Variants in EPHA6 observed in about 807,000 individuals in gnomAD.
The protein encoded by EPHA6 is EPH receptor A6.
In EPHA6, 50 loss-of-function variants were observed where a neutral mutation model predicts 112.0. The observed-to-expected ratio is 0.45, with a 90% CI of 0.36 to 0.56. EPHA6 has a LOEUF of 0.56. Ranked by LOEUF, EPHA6 falls within the 20% of genes least tolerant of loss-of-function variation. The pLI is 0.00. For synonymous variants in EPHA6, 529 were observed against 490.7 expected (o/e 1.08, Z -1.03); for missense variants, 1,280 against 1,417.4 (o/e 0.90, Z 1.56).
At chr3:97,049,952 C>G (rs955912249) in intron 3 of EPHA6, among the ~76,000 whole-genome samples, 6 of 152,152 alleles carry the variant, frequency 3.9e-5, no homozygotes, top group Non-Finnish European at 7.4e-5. Flanking sequence ...CAGAGAGAAA[C>G]ATCCAAACTA....
chr3:96,859,067 T>C lies in EPHA6; in HGVS notation c.386-7758T>C, dbSNP rs56701419. Among the ~76,000 whole-genome samples, 512 of 152,226 alleles carry C rather than the reference T, an allele frequency of 3.4e-3. 4 individuals carry two copies. Among genetic ancestry groups the C allele is most frequent in the African/African-American group, 0.012 (486 of 41,552 alleles). On this transcript the variant is annotated intron_variant, in intron 1 of 17. Coordinates refer to ENST00000389672, the MANE Select transcript of EPHA6 (RefSeq NM_001080448.3). Reference sequence around the variant, plus strand: ...CTATACTGCTTTTCCAATAGTTGGTTAAGAATGTTCTTTTCTAAGACATAC... The same window carrying C: ...CTATACTGCTTTTCCAATAGTTGGTCAAGAATGTTCTTTTCTAAGACATAC...
chr3:96,909,897 T>A (rs2039129793), intron 2 of EPHA6, among the ~76,000 whole-genome samples: 1 of 152,000 alleles, frequency 6.6e-6, no homozygotes, highest in Non-Finnish European at 1.5e-5. Context: ...TCTGAGCATA[T>A]ATTTCTTCAA....
At chr3:97,711,825 A>G (rs2033982690) in intron 14 of EPHA6, among the ~76,000 whole-genome samples, 1 of 152,180 alleles carries the variant, frequency 6.6e-6, no homozygotes, top group African/African-American at 2.4e-5. Flanking sequence ...TTTACCAGCT[A>G]TCTGGTCATC....
chr3:97,524,283 C>G (rs912894273), intron 10 of EPHA6, among the ~76,000 whole-genome samples: 2 of 151,880 alleles, frequency 1.3e-5, no homozygotes, highest in Non-Finnish European at 2.9e-5. Flanking sequence ...TATCATGAGG[C>G]TTGCATAAAA....
chr3:97,242,322 A>G (rs1017129783), intron 4 of EPHA6, among the ~76,000 whole-genome samples: 2 of 151,722 alleles, frequency 1.3e-5, no homozygotes, highest in Non-Finnish European at 2.9e-5. Flanking sequence ...TGCCAGTTCC[A>G]TGGTTATTTC....
intron 11 of EPHA6, among the ~76,000 whole-genome samples, chr3:97,577,270 A>G (rs527685299): frequency 6.6e-6 from 1 of 152,364 alleles, no homozygotes; most frequent in Middle Eastern, 3.4e-3. Flanking sequence ...ATTGCAAAGG[A>G]AGAAAAGAAA....
intron 5 of EPHA6, among the ~76,000 whole-genome samples, chr3:97,373,740 A>G (rs2085196984): frequency 1.3e-5 from 2 of 152,266 alleles, no homozygotes; most frequent in South Asian, 4.1e-4. Flanking sequence ...TTTTATTGCT[A>G]TCTTGCTTTA....
intron 5 of EPHA6, among the ~76,000 whole-genome samples, chr3:97,395,133 A>T (rs576837451): frequency 8.6e-5 from 13 of 151,810 alleles, no homozygotes; most frequent in African/African-American, 3.1e-4. Context: ...AAATTCAGAA[A>T]GAAAAAAAAA....
At chr3:96,995,780 C>T (rs1278258597) in intron 3 of EPHA6, among the ~76,000 whole-genome samples, 1 of 152,102 alleles carries the variant, frequency 6.6e-6, no homozygotes, top group East Asian at 1.9e-4. Context: ...TGCTAACAAT[C>T]ATCTGAGCCT....
chr3:97,546,396 A>G (rs2092948994), intron 11 of EPHA6, among the ~76,000 whole-genome samples: 1 of 151,994 alleles, frequency 6.6e-6, no homozygotes, highest in Non-Finnish European at 1.5e-5. Flanking sequence ...ATTGGTCCCC[A>G]CTCTCTTCTG....
chr3:96,823,125 A>G (rs553114738), intron 1 of EPHA6, among the ~76,000 whole-genome samples: 2 of 151,866 alleles, frequency 1.3e-5, no homozygotes, highest in East Asian at 1.9e-4. Context: ...AAAGAGAGGC[A>G]TAGTGTTCCA....
intron 16 of EPHA6, among the ~76,000 whole-genome samples, chr3:97,739,335 A>G (rs77110054): frequency 0.067 from 10,246 of 151,990 alleles, 1,097 homozygotes; most frequent in African/African-American, 0.23. Context: ...TTACTCTCTC[A>G]TCTGCTAGGT....
At chr3:97,168,575 G>GTC (rs200247205) in intron 3 of EPHA6, among the ~76,000 whole-genome samples, 8,662 of 144,856 alleles carry the variant, frequency 0.06, 679 homozygotes, top group East Asian at 0.42. Flanking sequence ...CTTTCTCTCT[G>GTC]TCTCTCTCTC....
chr3:97,272,637 G>T (rs2079927174), intron 5 of EPHA6, among the ~76,000 whole-genome samples: 1 of 151,644 alleles, frequency 6.6e-6, no homozygotes, highest in Non-Finnish European at 1.5e-5. Context: ...TCAAAGGGGG[G>T]TGTTCTCTGG....
chr3:97,103,679 G>A (rs2047477346), intron 3 of EPHA6, among the ~76,000 whole-genome samples: 1 of 151,908 alleles, frequency 6.6e-6, no homozygotes, highest in East Asian at 1.9e-4. Flanking sequence ...TTGTTGTTCT[G>A]TGAAAATGTC....
chr3:97,343,761 G>A (rs544703534), intron 5 of EPHA6, among the ~76,000 whole-genome samples: 15 of 152,302 alleles, frequency 9.8e-5, no homozygotes, highest in African/African-American at 2.9e-4. Context: ...AGGTGACTTG[G>A]AGATCATCAG....
chr3:96,943,463 G>GATTTTAT (rs200968177), intron 2 of EPHA6, among the ~76,000 whole-genome samples: 1,747 of 152,202 alleles, frequency 0.011, 25 homozygotes, highest in Non-Finnish European at 0.017. Context: ...CTGAATTTCA[G>GATTTTAT]ATTTTATATA....
intron 5 of EPHA6, among the ~76,000 whole-genome samples, chr3:97,300,941 T>C (rs1446290863): frequency 6.6e-6 from 1 of 152,154 alleles, no homozygotes; most frequent in Non-Finnish European, 1.5e-5. Flanking sequence ...TGAAATGATA[T>C]GCTCCCTCTC....
chr3:97,379,118 G>T (rs150053718), intron 5 of EPHA6, among the ~76,000 whole-genome samples: 14 of 152,224 alleles, frequency 9.2e-5, no homozygotes, highest in African/African-American at 3.4e-4. Flanking sequence ...AATCATGGGG[G>T]TGGCTTCCCC....
Sources: gnomAD v4.1 joint callset for allele counts (sites outside exome capture counted in the v4.1 genomes callset) on GRCh38, gnomAD v4.1.1 for gene constraint, MANE v1.5 for transcripts, NCBI Gene and HGNC (gene_info 2026-07-23, HGNC 2026-07-21) for gene names.